TMEM63B: variants seen among roughly 807,000 people sequenced by gnomAD.
TMEM63B encodes mechanosensitive cation channel TMEM63B.
TMEM63B carries 23 observed loss-of-function variants against 102.6 expected under a neutral mutation model. The observed-to-expected ratio is 0.22, with a 90% CI of 0.16 to 0.32. The LOEUF is 0.32. Among genes scored for constraint, TMEM63B ranks in the 10% least tolerant of loss-of-function variants. The pLI is 1.00. For synonymous variants in TMEM63B, 444 were observed against 437.0 expected (o/e 1.02, Z -0.20); for missense variants, 628 against 1,095.9 (o/e 0.57, Z 6.03).
chr6:44,126,856 C>G (rs1317037120), upstream of TMEM63B: 1 of 152,258 alleles, frequency 6.6e-6, no homozygotes, highest in Non-Finnish European at 1.5e-5. Flanking sequence ...ACCCCCTGGC[C>G]TGGGGGAGGG....
rs1232825667 is a variant in TMEM63B, at chr6:44,152,743, C to G, written c.1942+45C>G. Reference sequence around the variant, plus strand: ...GACCTGGGCCCTGCTCGGGGGGACCCAGGACTTCACCCTCTCCACTCTAGG... The same window carrying G: ...GACCTGGGCCCTGCTCGGGGGGACCGAGGACTTCACCCTCTCCACTCTAGG... On this transcript the variant is annotated intron_variant, in intron 20 of 23. Transcript: ENST00000323267. This position sits in a 1 kb window ranked among gnomAD's most constrained non-coding sequence, Gnocchi z 6.4. 1.3e-6 allele frequency: 2 copies of G among 1,494,408 alleles called. No homozygotes were observed. Among genetic ancestry groups the G allele is most frequent in the Admixed American group, 1.7e-5 (1 of 59,246 alleles). The allele number at this position is 1,494,408 out of a possible 1,614,324, so 92.6% of individuals were successfully genotyped here.
intron 9 of TMEM63B, 172 bp downstream of exon 9, chr6:44,140,532 C>T (rs554644749): frequency 2.9e-6 from 2 of 694,848 alleles, no homozygotes; most frequent in East Asian, 5.5e-5. Flanking sequence ...ATGATTTTCT[C>T]ATCTGTAAAA....
At position 44,153,676 on chromosome 6, in the gene TMEM63B, G is replaced by T; in HGVS notation, c.1943G>T (p.Gly648Val). 1 of 1,613,428 alleles carries T rather than the reference G, an allele frequency of 6.2e-7. No homozygotes were observed. Among genetic ancestry groups the T allele is most frequent in the Non-Finnish European group, 8.5e-7 (1 of 1,179,724 alleles). The change falls in exon 21 of 24, where the codon GGG becomes GTG. Residue 648 changes from glycine to valine, a missense_variant and splice_region_variant. By Grantham distance (109) the Gly-to-Val change is moderately radical (BLOSUM62 -3). This residue lies in a region of TMEM63B where 90 missense variants were observed against 136.7 expected (regional missense o/e 0.66). Coordinates refer to ENST00000323267, the MANE Select transcript of TMEM63B (RefSeq NM_018426.3). ...SITCPIIVPF[G>V]LMYMLLKHLV... ...TCAGGGCCCATGTGGCTTCCCTTAG[G>T]GCTCATGTACATGCTGCTGAAGCAC...
At chr6:44,145,228 T>G (rs1163127019) in intron 10 of TMEM63B, among the ~76,000 whole-genome samples, 4 of 149,714 alleles carry the variant, frequency 2.7e-5, no homozygotes, top group African/African-American at 9.9e-5. Flanking sequence ...TGAGCTGAGA[T>G]TGCACCACTG....
At chr6:44,149,223 C>T in intron 15 of TMEM63B, 1 of 519,164 alleles carries the variant, frequency 1.9e-6, no homozygotes, top group Non-Finnish European at 3.5e-6. Context: ...CCTTCCCTCA[C>T]CCCTCAGTCT....
intron 5 of TMEM63B, among the ~76,000 whole-genome samples, chr6:44,137,867 T>A (rs1208076177): frequency 1.3e-5 from 2 of 151,804 alleles, no homozygotes; most frequent in Non-Finnish European, 2.9e-5. Context: ...CCCAGCTAAT[T>A]TTTGTATTTT....
Position 44,148,229 on chromosome 6 carries a change from C to T in TMEM63B, c.988-23C>T, listed in dbSNP as rs1765844380. 1 of 1,613,626 alleles carries T rather than the reference C, an allele frequency of 6.2e-7. No homozygotes were observed. The highest frequency in any genetic ancestry group is 8.5e-7 in the Non-Finnish European group (1 of 1,179,622). On this transcript the variant is annotated intron_variant, in intron 12 of 23. Coordinates refer to ENST00000323267, the MANE Select transcript of TMEM63B (RefSeq NM_018426.3). The surrounding 1 kb of genome is among the most constrained non-coding windows in gnomAD (Gnocchi z 5.1). ...CAGCCTGGCTTTCCAACTAGAGGCCCTGTCCCTAACCCTCCCACAAAGGTG... is the reference window on the plus strand; with the variant it reads ...CAGCCTGGCTTTCCAACTAGAGGCCTTGTCCCTAACCCTCCCACAAAGGTG...
intron 5 of TMEM63B, among the ~76,000 whole-genome samples, chr6:44,137,114 T>C (rs932713103): frequency 1.3e-5 from 2 of 152,208 alleles, no homozygotes; most frequent in African/African-American, 4.8e-5. Context: ...GTCATGTTGC[T>C]CGGAGGTTGC....
rs1211082156 is a variant in TMEM63B at position 44,150,396 on chromosome 6, T to C, written c.1607+86T>C. 4 of 1,498,914 alleles carry C rather than the reference T, an allele frequency of 2.7e-6. No individual in the cohort carries two copies. In the Admixed American group the frequency reaches 6.7e-5, roughly 25 times the overall value. 92.9% of individuals were successfully genotyped at this position (1,498,914 alleles called of 1,614,324 possible). ...AGCAGTTCAGCCTCCCTACCTCCCC[T>C]ACAAAGCAAGGGGCCCAAGATGGGA... On this transcript the variant is annotated intron_variant, in intron 17 of 23. Coordinates refer to ENST00000323267, the MANE Select transcript of TMEM63B (RefSeq NM_018426.3). The surrounding 1 kb of genome is among the most constrained non-coding windows in gnomAD (Gnocchi z 4.7).
In TMEM63B at chr6:44,149,842, C is replaced by A. The variant is rs79379128; in HGVS notation, c.1414-17C>A. On this transcript the variant is annotated splice_polypyrimidine_tract_variant and intron_variant, in intron 15 of 23. Coordinates refer to ENST00000323267, the MANE Select transcript of TMEM63B (RefSeq NM_018426.3). ...CCTAGACTGCCCTGCCTGACGCCCC[C>A]CTGTGCCCTGCTGCAGAACCCCATC... The A allele has an allele frequency of 1.9e-6, 3 of 1,598,942 alleles. No individual in the cohort carries two copies. The highest frequency in any genetic ancestry group is 1.7e-5 in the Admixed American group (1 of 58,406).
chr6:44,141,992 T>C, intron 10 of TMEM63B, among the ~76,000 whole-genome samples: 1 of 151,082 alleles, frequency 6.6e-6, no homozygotes, highest in South Asian at 2.1e-4. Flanking sequence ...TGTGGTGGCG[T>C]GCGCCTGTAG....
At chr6:44,149,814 C>A (rs779818953) in intron 15 of TMEM63B, 45 bp from the exon 16 acceptor site, 28 of 1,510,854 alleles carry the variant, frequency 1.9e-5, no homozygotes, top group Non-Finnish European at 2.4e-5. Context: ...GCCACCTGGG[C>A]CCCCTAGACT....
intron 1 of TMEM63B, among the ~76,000 whole-genome samples, chr6:44,130,047 C>T (rs1457916348): frequency 6.6e-6 from 1 of 152,208 alleles, no homozygotes; most frequent in Non-Finnish European, 1.5e-5. Flanking sequence ...ATCACAAACC[C>T]AAGGCCTGAG....
rs1277812176 is a variant in TMEM63B at position 44,148,764 on chromosome 6, T to C, written c.1260-28T>C. On this transcript the variant is annotated intron_variant, in intron 14 of 23. Transcript: ENST00000323267. The surrounding 1 kb of genome is among the most constrained non-coding windows in gnomAD (Gnocchi z 5.1). ...GGGGGCCAATCCTGCCCTTGGTTCC[T>C]GGACTGACCGGTTCCCCACCTTGCC... is the stretch of plus-strand genomic sequence containing the variant. 1 of 1,614,056 alleles carries C rather than the reference T, an allele frequency of 6.2e-7. No homozygotes were observed. Among genetic ancestry groups the C allele is most frequent in the Non-Finnish European group, 8.5e-7 (1 of 1,179,954 alleles).
rs776415983 is a variant in TMEM63B, at chr6:44,134,752, C to G, written c.159+9C>G. ...ACTTCATGTGCTTCCTTGTAAGTGC[C>G]TGCTGCCACCCCTTACCTTGGCATC... On this transcript the variant is annotated intron_variant, in intron 2 of 23. Transcript: ENST00000323267. 1 of 1,610,036 alleles carries G rather than the reference C, an allele frequency of 6.2e-7. No individual in the cohort carries two copies. Among genetic ancestry groups the G allele is most frequent in the African/African-American group, 1.3e-5 (1 of 74,886 alleles).
intron 1 of TMEM63B, among the ~76,000 whole-genome samples, chr6:44,134,006 G>A (rs555937513): frequency 6.6e-6 from 1 of 152,188 alleles, no homozygotes; most frequent in South Asian, 2.1e-4. Context: ...ACCCATCGTC[G>A]AACCTAAGCC....
intron 8 of TMEM63B, 63 bp downstream of exon 8, chr6:44,139,822 G>A (rs72858118): frequency 0.049 from 78,683 of 1,603,472 alleles, 4,127 homozygotes; most frequent in East Asian, 0.26. Context: ...CATGATGTGG[G>A]ACAGGGAGGA....
At chr6:44,149,732 T>A in intron 15 of TMEM63B, 127 bp from the exon 16 acceptor site, 1 of 703,544 alleles carries the variant, frequency 1.4e-6, no homozygotes, top group Non-Finnish European at 2.4e-6. Flanking sequence ...CCGGATGTTC[T>A]GGGCTTCCAA....
chr6:44,140,129 A>G (rs1303847996), intron 8 of TMEM63B, 123 bp from the exon 9 acceptor site: 3 of 758,570 alleles, frequency 4.0e-6, no homozygotes, highest in Non-Finnish European at 6.5e-6. Context: ...AGTCAGTGCC[A>G]GAAGGCTGGT....
Sources: gnomAD v4.1 joint callset for allele counts (sites outside exome capture counted in the v4.1 genomes callset) on GRCh38, gnomAD v4.1.1 for gene constraint, gnomAD v4.1.1 regional missense constraint, Gnocchi (gnomAD v3.1) non-coding constraint, MANE v1.5 for transcripts, NCBI Gene and HGNC (gene_info 2026-07-23, HGNC 2026-07-21) for gene names.